Variants in SPOCK1 observed in about 807,000 individuals in gnomAD.
SPOCK1 encodes the protein SPARC (osteonectin), cwcv and kazal like domains proteoglycan 1, also known as testican-1.
A neutral mutation model predicts 55.3 loss-of-function variants in SPOCK1; 23 were observed. The observed-to-expected ratio is 0.42, with a 90% CI of 0.30 to 0.59. The LOEUF (loss-of-function observed/expected upper bound fraction) is 0.59. Ranked by LOEUF, SPOCK1 falls within the 20% of genes least tolerant of loss-of-function variation. SPOCK1 has a pLI of 0.22. For synonymous variants in SPOCK1, 226 were observed against 221.0 expected (o/e 1.02, Z -0.20); for missense variants, 499 against 552.5 (o/e 0.90, Z 0.97).
At chr5:137,438,363 G>A (rs1434190536) in intron 2 of SPOCK1, among the ~76,000 whole-genome samples, 1 of 152,110 alleles carries the variant, frequency 6.6e-6, no homozygotes, top group Admixed American at 6.5e-5. Context: ...TATGGGAAAG[G>A]GAGAGGAATG....
chr5:137,311,555 A>C (rs1434991233), intron 2 of SPOCK1, among the ~76,000 whole-genome samples: 2 of 152,238 alleles, frequency 1.3e-5, no homozygotes, highest in Non-Finnish European at 2.9e-5. Flanking sequence ...TGTCCAACAT[A>C]ATTTTAAATA....
At chr5:137,015,940 C>T (rs886141013) in intron 6 of SPOCK1, among the ~76,000 whole-genome samples, 1 of 152,084 alleles carries the variant, frequency 6.6e-6, no homozygotes, top group Non-Finnish European at 1.5e-5. Flanking sequence ...ACCTAGCCAG[C>T]GTAGAGAAGT....
At chr5:137,181,391 T>TTCTA (rs1281980073) in intron 3 of SPOCK1, among the ~76,000 whole-genome samples, 1 of 152,222 alleles carries the variant, frequency 6.6e-6, no homozygotes, top group Non-Finnish European at 1.5e-5. Flanking sequence ...GGGTCCTTCA[T>TTCTA]TCTATCAGCA....
At chr5:136,993,458 G>A (rs1750986952) in intron 6 of SPOCK1, among the ~76,000 whole-genome samples, 1 of 152,156 alleles carries the variant, frequency 6.6e-6, no homozygotes, top group Admixed American at 6.5e-5. Flanking sequence ...GAGAAAACCT[G>A]CAAAGGGTCC....
intron 4 of SPOCK1, among the ~76,000 whole-genome samples, chr5:137,126,172 G>A (rs1006987833): frequency 5.3e-5 from 8 of 152,134 alleles, no homozygotes; most frequent in African/African-American, 1.9e-4. Context: ...ATGTCCATGA[G>A]AAATAATTGT....
At chr5:137,240,308 T>A (rs1756257582) in intron 3 of SPOCK1, among the ~76,000 whole-genome samples, 1 of 152,212 alleles carries the variant, frequency 6.6e-6, no homozygotes, top group East Asian at 1.9e-4. Context: ...AGAAGCACAG[T>A]GGCATCTGCT....
chr5:137,389,217 C>T (rs1158407957), intron 2 of SPOCK1, among the ~76,000 whole-genome samples: 1 of 152,204 alleles, frequency 6.6e-6, no homozygotes, highest in Non-Finnish European at 1.5e-5. Flanking sequence ...ACAAGACTAC[C>T]AGAAGGGCCA....
At chr5:137,253,498 T>C (rs180750974) in intron 3 of SPOCK1, among the ~76,000 whole-genome samples, 1 of 152,194 alleles carries the variant, frequency 6.6e-6, no homozygotes, top group Admixed American at 6.5e-5. Context: ...AAACAAATTA[T>C]CACCTCTCAA....
chr5:137,337,496 A>G (rs1488967257), intron 2 of SPOCK1, among the ~76,000 whole-genome samples: 1 of 152,208 alleles, frequency 6.6e-6, no homozygotes, highest in Admixed American at 6.5e-5. Context: ...CATGAAAATA[A>G]TAAGTCTACT....
At chr5:137,369,612 G>C (rs534157177) in intron 2 of SPOCK1, among the ~76,000 whole-genome samples, 1 of 152,286 alleles carries the variant, frequency 6.6e-6, no homozygotes, top group African/African-American at 2.4e-5. Context: ...CTTAGCTCGG[G>C]TTTCCGTAAC....
chr5:137,320,561 A>T (rs1246780465), intron 2 of SPOCK1, among the ~76,000 whole-genome samples: 2 of 152,214 alleles, frequency 1.3e-5, no homozygotes, highest in Non-Finnish European at 2.9e-5. Flanking sequence ...GGAGCCAGAG[A>T]ACAGAAAAGA....
chr5:137,125,366 G>T (rs941181046), intron 4 of SPOCK1, among the ~76,000 whole-genome samples: 1 of 152,184 alleles, frequency 6.6e-6, no homozygotes, highest in African/African-American at 2.4e-5. Flanking sequence ...TGTTCATTCA[G>T]CCAGTAGAGA....
intron 2 of SPOCK1, among the ~76,000 whole-genome samples, chr5:137,395,920 T>TC (rs974304427): frequency 5.9e-5 from 9 of 151,610 alleles, no homozygotes; most frequent in South Asian, 4.2e-4. Flanking sequence ...AAGATCCCAA[T>TC]CCCCCCCAAT....
At chr5:136,997,918 T>C (rs1407969496) in intron 6 of SPOCK1, among the ~76,000 whole-genome samples, 2 of 152,222 alleles carry the variant, frequency 1.3e-5, no homozygotes, top group African/African-American at 2.4e-5. Flanking sequence ...AGTCAGTTCC[T>C]GGCATGAAGA....
chr5:137,232,496 C>T (rs1217983473), intron 3 of SPOCK1, among the ~76,000 whole-genome samples: 2 of 152,206 alleles, frequency 1.3e-5, no homozygotes, highest in Non-Finnish European at 2.9e-5. Flanking sequence ...AGTATATTTG[C>T]CTGGCTCTCT....
intron 5 of SPOCK1, among the ~76,000 whole-genome samples, chr5:137,084,278 G>A (rs917402609): frequency 6.6e-6 from 1 of 151,794 alleles, no homozygotes; most frequent in African/African-American, 2.4e-5. Context: ...AGCTGGCCCT[G>A]CCTCCTTCTG....
At chr5:137,496,154 C>T (rs898314172) in intron 2 of SPOCK1, among the ~76,000 whole-genome samples, 4 of 152,008 alleles carry the variant, frequency 2.6e-5, no homozygotes, top group African/African-American at 9.7e-5. Context: ...AGTATGTTTG[C>T]TTAAAATATG....
At chr5:136,997,156 G>A (rs769100698) in intron 6 of SPOCK1, among the ~76,000 whole-genome samples, 28 of 152,270 alleles carry the variant, frequency 1.8e-4, no homozygotes, top group Admixed American at 9.2e-4. Context: ...ATGGGCTGGT[G>A]TGTGAGCCAC....
chr5:137,095,394 G>A (rs1049108764), intron 5 of SPOCK1, among the ~76,000 whole-genome samples: 2 of 152,156 alleles, frequency 1.3e-5, no homozygotes, highest in African/African-American at 2.4e-5. Flanking sequence ...TCATTAAAAT[G>A]ACGTATGCCT....
Sources: gnomAD v4.1 joint callset for allele counts (sites outside exome capture counted in the v4.1 genomes callset) on GRCh38, gnomAD v4.1.1 for gene constraint, MANE v1.5 for transcripts, NCBI Gene and HGNC (gene_info 2026-07-23, HGNC 2026-07-21) for gene names.